MGAT4C: variants seen among roughly 807,000 people sequenced by gnomAD.
MGAT4C encodes the protein alpha-1,3-mannosyl-glycoprotein 4-beta-N-acetylglucosaminyltransferase C.
Under a neutral mutation model 40.1 loss-of-function variants are expected in MGAT4C, and 19 were observed. The observed-to-expected ratio is 0.47, with a 90% CI of 0.33 to 0.70. The LOEUF (loss-of-function observed/expected upper bound fraction) is 0.70, where lower values mean the gene tolerates loss of function less well. MGAT4C is among the 30% of genes least tolerant of loss of function. MGAT4C has a pLI of 0.02. For missense variants in MGAT4C, 491 were observed against 563.2 expected (o/e 0.87, Z 1.30); for synonymous variants, 181 against 187.1 (o/e 0.97, Z 0.27).
chr12:86,033,593 C>T (rs1165655313), intron 2 of MGAT4C, among the ~76,000 whole-genome samples: 1 of 149,436 alleles, frequency 6.7e-6, no homozygotes, highest in Non-Finnish European at 1.5e-5. Flanking sequence ...AATTTTGGTA[C>T]ATTTGTTTTG....
chr12:86,335,877 C>T (rs766706090), intron 3 of MGAT4C, among the ~76,000 whole-genome samples: 18 of 152,074 alleles, frequency 1.2e-4, no homozygotes, highest in South Asian at 2.1e-4. Flanking sequence ...CTTAATCTCC[C>T]GCTTTAAGGT....
chr12:86,274,166 G>A (rs1446739255), intron 4 of MGAT4C, among the ~76,000 whole-genome samples: 3 of 152,096 alleles, frequency 2.0e-5, no homozygotes, highest in Non-Finnish European at 2.9e-5. Flanking sequence ...CAGATCTCAT[G>A]ACAAGTCACT....
chr12:86,032,230 T>C (rs546334429), intron 2 of MGAT4C, among the ~76,000 whole-genome samples: 1 of 152,056 alleles, frequency 6.6e-6, no homozygotes, highest in Non-Finnish European at 1.5e-5. Context: ...TGAATATATG[T>C]GTGTCTTTAT....
At chr12:86,365,689 T>C (rs1955577374) in intron 3 of MGAT4C, among the ~76,000 whole-genome samples, 1 of 152,026 alleles carries the variant, frequency 6.6e-6, no homozygotes, top group African/African-American at 2.4e-5. Context: ...ACTGTTTTTT[T>C]TTTTTTTTTC....
At position 86,499,215 on chromosome 12, in the gene MGAT4C, G is replaced by A. The variant is rs1958292409; in HGVS notation, c.-228-63950C>T. 2.0e-5 allele frequency among the ~76,000 whole-genome samples: 3 copies of A among 151,608 alleles called. No individual in the cohort carries two copies. The South Asian group carries it at 6.2e-4, about 31-fold the overall frequency. ...TACGGTGGGGTTAAAAGTTACAGGT[G>A]GATTTTGGACTGTACAGAAGTTGGG... On this transcript the variant is annotated intron_variant, in intron 2 of 7. Transcript: ENST00000548651.
intron 2 of MGAT4C, among the ~76,000 whole-genome samples, chr12:86,033,537 A>T (rs767774608): frequency 1.3e-5 from 2 of 149,158 alleles, no homozygotes; most frequent in African/African-American, 4.9e-5. Context: ...ATGGGATTGC[A>T]TTCGTGATTT....
At chr12:86,307,580 T>TA (rs1475570322) in intron 4 of MGAT4C, among the ~76,000 whole-genome samples, 3 of 150,576 alleles carry the variant, frequency 2.0e-5, no homozygotes, top group Non-Finnish European at 2.9e-5. Flanking sequence ...TTATATTAAA[T>TA]AGAGGAAGGT....
intron 3 of MGAT4C, among the ~76,000 whole-genome samples, chr12:86,347,169 A>G (rs537728062): frequency 1.3e-5 from 2 of 152,300 alleles, no homozygotes; most frequent in South Asian, 4.1e-4. Context: ...TCAATTCTCC[A>G]TAACAAACTC....
At chr12:86,566,460 C>T (rs1388985560) in intron 2 of MGAT4C, among the ~76,000 whole-genome samples, 2 of 146,242 alleles carry the variant, frequency 1.4e-5, no homozygotes, top group African/African-American at 2.5e-5. Flanking sequence ...GCTCTCCTTG[C>T]TCCTCAGCCT....
chr12:86,233,365 A>G (rs1951405323), intron 1 of MGAT4C, among the ~76,000 whole-genome samples: 1 of 152,170 alleles, frequency 6.6e-6, no homozygotes. Context: ...CAAAACCAAT[A>G]TTATAGGCTA....
intron 1 of MGAT4C, among the ~76,000 whole-genome samples, chr12:86,186,264 A>C (rs1317200421): frequency 6.6e-6 from 1 of 152,142 alleles, no homozygotes; most frequent in African/African-American, 2.4e-5. Flanking sequence ...TGCAGGTATT[A>C]TAAACAATGA....
At chr12:86,734,968 A>G (rs1419808486) in intron 1 of MGAT4C, among the ~76,000 whole-genome samples, 2 of 152,012 alleles carry the variant, frequency 1.3e-5, no homozygotes, top group African/African-American at 4.8e-5. Context: ...TAGTGTGTAT[A>G]AGATGTTATT....
chr12:86,390,592 T>C, intron 3 of MGAT4C, among the ~76,000 whole-genome samples: 1 of 152,176 alleles, frequency 6.6e-6, no homozygotes, highest in East Asian at 1.9e-4. Flanking sequence ...AATCATACTA[T>C]TCAGACATAT....
intron 2 of MGAT4C, among the ~76,000 whole-genome samples, chr12:86,514,563 CA>C (rs976905370): frequency 7.9e-5 from 12 of 152,130 alleles, no homozygotes; most frequent in African/African-American, 2.7e-4. Flanking sequence ...CTAAAACCAG[CA>C]AAATATGTTT....
chr12:86,782,171 ATTTTT>A (rs57791582), intron 1 of MGAT4C, among the ~76,000 whole-genome samples: 324 of 40,222 alleles, frequency 8.1e-3, no homozygotes, highest in South Asian at 0.016. Flanking sequence ...TGTTTTTTGT[ATTTTT>A]TTTTTTTTTT....
chr12:86,641,975 T>C (rs749476631), intron 2 of MGAT4C, among the ~76,000 whole-genome samples: 5 of 151,870 alleles, frequency 3.3e-5, no homozygotes, highest in Non-Finnish European at 7.4e-5. Context: ...ATTCATTTAG[T>C]AAAATATTTT....
At chr12:86,324,171 T>G (rs999012598) in intron 4 of MGAT4C, among the ~76,000 whole-genome samples, 1 of 151,928 alleles carries the variant, frequency 6.6e-6, no homozygotes, top group Admixed American at 6.6e-5. Flanking sequence ...TAGCAATTTC[T>G]TATTCTATGG....
At chr12:86,694,062 A>AC (rs1309093305) in intron 2 of MGAT4C, among the ~76,000 whole-genome samples, 1 of 152,156 alleles carries the variant, frequency 6.6e-6, no homozygotes, top group African/African-American at 2.4e-5. Flanking sequence ...GTAGCTTCTA[A>AC]ATTATTCTGC....
intron 2 of MGAT4C, among the ~76,000 whole-genome samples, chr12:86,459,037 T>G (rs555039313): frequency 6.7e-4 from 102 of 152,276 alleles, no homozygotes; most frequent in Middle Eastern, 6.8e-3. Flanking sequence ...ATTTTGAGAA[T>G]TTATGCCAAT....
Sources: allele counts gnomAD v4.1 joint callset (sites outside exome capture counted in the v4.1 genomes callset), GRCh38; gene constraint gnomAD v4.1.1; transcripts MANE v1.5; gene names NCBI Gene and HGNC (gene_info 2026-07-23, HGNC 2026-07-21).